Variants in TENM3 observed in about 807,000 individuals in gnomAD.
TENM3 encodes teneurin transmembrane protein 3.
In TENM3, 63 loss-of-function variants were observed where a neutral mutation model predicts 255.1. The observed-to-expected ratio is 0.25, with a 90% confidence interval of 0.20 to 0.30. The LOEUF is 0.30. Ranked by LOEUF, TENM3 falls within the 10% of genes least tolerant of loss-of-function variation. TENM3 has a pLI of 1.00. For missense variants in TENM3, 2,929 were observed against 3,461.1 expected (o/e 0.85, Z 3.86); for synonymous variants, 1,306 against 1,322.3 (o/e 0.99, Z 0.27).
intron 2 of TENM3, among the ~76,000 whole-genome samples, chr4:182,334,402 TAG>T (rs990598418): frequency 1.3e-5 from 2 of 152,136 alleles, no homozygotes; most frequent in African/African-American, 2.4e-5. Context: ...TCCGGTGGGT[TAG>T]AGTTAATTTT....
intron 1 of TENM3, among the ~76,000 whole-genome samples, chr4:182,185,184 T>C (rs1183789739): frequency 6.6e-6 from 1 of 152,176 alleles, no homozygotes; most frequent in African/African-American, 2.4e-5. Flanking sequence ...AGTCTTAAAA[T>C]CATCTCATTT....
intron 3 of TENM3, among the ~76,000 whole-genome samples, chr4:182,568,617 CACTT>C (rs908763399): frequency 1.3e-5 from 2 of 152,166 alleles, no homozygotes; most frequent in Admixed American, 6.5e-5. Context: ...TAAAGTTAAA[CACTT>C]ACTTGTGAGC....
At chr4:182,486,434 A>G (rs1269737479) in intron 3 of TENM3, among the ~76,000 whole-genome samples, 1 of 152,172 alleles carries the variant, frequency 6.6e-6, no homozygotes, top group African/African-American at 2.4e-5. Flanking sequence ...CACATCCCAG[A>G]GACACCTCCT....
intron 1 of TENM3, among the ~76,000 whole-genome samples, chr4:182,269,404 A>G (rs1579965248): frequency 1.3e-5 from 2 of 152,334 alleles, no homozygotes; most frequent in Admixed American, 1.3e-4. Flanking sequence ...AGTACTGGAC[A>G]GTTGGCCAAG....
chr4:181,857,550 A>AC, the TENM3 span, among the ~76,000 whole-genome samples: 6 of 29,742 alleles, frequency 2.0e-4, no homozygotes, highest in Admixed American at 2.2e-3. Context: ...CCCTGTCTCT[A>AC]CAAAAAAAAA....
intron 22 of TENM3, among the ~76,000 whole-genome samples, chr4:182,766,923 TC>T (rs1179975613): frequency 6.6e-6 from 1 of 152,134 alleles, no homozygotes; most frequent in Non-Finnish European, 1.5e-5. Context: ...CTCATCAGGA[TC>T]CCCTTAGCAC....
At chr4:182,297,953 C>CA (rs770618142) in intron 1 of TENM3, among the ~76,000 whole-genome samples, 2 of 152,210 alleles carry the variant, frequency 1.3e-5, no homozygotes, top group African/African-American at 2.4e-5. Flanking sequence ...GCTGCTCCCA[C>CA]ACGAGGCCTG....
chr4:181,832,229 C>T, the TENM3 span, among the ~76,000 whole-genome samples: 2 of 152,064 alleles, frequency 1.3e-5, no homozygotes, highest in East Asian at 1.9e-4. Flanking sequence ...CCAAGAGCTG[C>T]GTACAAGGCA....
the TENM3 span, among the ~76,000 whole-genome samples, chr4:181,828,195 T>C: frequency 8.4e-4 from 128 of 152,312 alleles, no homozygotes; most frequent in African/African-American, 3.0e-3. Context: ...CTGCCACGTG[T>C]GGGCTTTGAG....
chr4:181,946,310 A>AT, the TENM3 span, among the ~76,000 whole-genome samples: 3 of 152,198 alleles, frequency 2.0e-5, no homozygotes, highest in Admixed American at 6.5e-5. Context: ...CAGTACCCAC[A>AT]TAAAAATACA....
chr4:182,140,640 G>T (rs779183161), upstream of TENM3, among the ~76,000 whole-genome samples: 5 of 152,198 alleles, frequency 3.3e-5, no homozygotes, highest in Non-Finnish European at 7.3e-5. Context: ...CCTTCTGCAC[G>T]CCTGAAAGCC....
intron 1 of TENM3, among the ~76,000 whole-genome samples, chr4:182,244,275 CAT>C (rs1757505111): frequency 6.6e-6 from 1 of 152,114 alleles, no homozygotes; most frequent in African/African-American, 2.4e-5. Flanking sequence ...TCTATTAAAA[CAT>C]ATAACCCAGG....
At chr4:182,120,461 T>C in the TENM3 span, among the ~76,000 whole-genome samples, 1 of 152,204 alleles carries the variant, frequency 6.6e-6, no homozygotes, top group South Asian at 2.1e-4. Flanking sequence ...ATGTGTGTTG[T>C]GTATATACAC....
intron 1 of TENM3, among the ~76,000 whole-genome samples, chr4:182,322,732 CAG>C (rs1763135124): frequency 6.6e-6 from 1 of 152,114 alleles, no homozygotes; most frequent in South Asian, 2.1e-4. Flanking sequence ...CAGACAGAGA[CAG>C]AGACAGACCA....
the TENM3 span, among the ~76,000 whole-genome samples, chr4:181,681,246 G>C: frequency 1.3e-5 from 2 of 151,384 alleles, no homozygotes; most frequent in Non-Finnish European, 2.9e-5. Context: ...TTATGAAGTA[G>C]TCTAATTGAA....
At chr4:181,970,876 A>G in the TENM3 span, among the ~76,000 whole-genome samples, 2 of 152,236 alleles carry the variant, frequency 1.3e-5, no homozygotes, top group African/African-American at 4.8e-5. Flanking sequence ...ATGTCCTACA[A>G]TAAGTGCCAT....
chr4:181,862,399 G>A, the TENM3 span, among the ~76,000 whole-genome samples: 4 of 152,002 alleles, frequency 2.6e-5, no homozygotes, highest in South Asian at 8.3e-4. Context: ...ATTTTATCTG[G>A]TAACACACTA....
the TENM3 span, among the ~76,000 whole-genome samples, chr4:181,856,639 C>T: frequency 6.6e-6 from 1 of 152,188 alleles, no homozygotes; most frequent in African/African-American, 2.4e-5. Flanking sequence ...GTCCCTCCAG[C>T]TGATACTTCT....
chr4:181,728,681 T>C, the TENM3 span, among the ~76,000 whole-genome samples: 3 of 152,200 alleles, frequency 2.0e-5, no homozygotes, highest in Non-Finnish European at 4.4e-5. Context: ...CCAGCTTCTT[T>C]ACTGCAAGCT....
Sources: allele counts gnomAD v4.1 joint callset (sites outside exome capture counted in the v4.1 genomes callset), GRCh38; gene constraint gnomAD v4.1.1; transcripts MANE v1.5; gene names NCBI Gene and HGNC (gene_info 2026-07-23, HGNC 2026-07-21).